Variants in IL9 observed in about 807,000 individuals in gnomAD.
The protein encoded by IL9 is interleukin 9.
A neutral mutation model predicts 12.9 loss-of-function variants in IL9; 16 were observed. The ratio of observed to expected loss-of-function variants is 1.24; its 90% confidence interval spans 0.84 to 1.88. The LOEUF (loss-of-function observed/expected upper bound fraction) is 1.88. Among genes scored for constraint, IL9 ranks in the 40% most tolerant of loss-of-function variants. IL9 has a pLI of 0.00. For missense variants in IL9, 170 were observed against 173.1 expected (o/e 0.98, Z 0.10); for synonymous variants, 69 against 63.8 (o/e 1.08, Z -0.39).
At chr5:135,892,601 G>A in intron 4 of IL9, 91 bp from the exon 5 acceptor site, 1 of 1,431,686 alleles carries the variant, frequency 7.0e-7, no homozygotes, top group South Asian at 1.4e-5. Context: ...GCCAGAGTCG[G>A]TGGTGAGGAT....
rs1333358852 is a variant in IL9, at chr5:135,895,800, AC to A, written c.16del (p.Val6SerfsTer46). On this transcript the variant is annotated frameshift_variant, in exon 1 of 5. Coordinates refer to ENST00000274520, the MANE Select transcript of IL9 (RefSeq NM_000590.2). LOFTEE classifies it high-confidence loss of function. ...GCACAGGAGCAGGGCAGAGGTAAGG[AC>A]CATGGCCAGAAGCATCTTGACAGCG... MLLAM[V>X]LTSALLLCSV... 6.2e-7 allele frequency: 1 copy of A among 1,613,500 alleles called. No individual in the cohort carries two copies. The highest frequency in any genetic ancestry group is 1.7e-5 in the Admixed American group (1 of 60,002).
At position 135,894,044 on chromosome 5, in the gene IL9, T is replaced by C. The variant is rs2126855295; in HGVS notation, c.291A>G (p.Glu97=). The change falls in exon 4 of 5, where the codon GAA becomes GAG. Residue 97 remains glutamate, a synonymous_variant. Coordinates refer to ENST00000274520, the MANE Select transcript of IL9 (RefSeq NM_000590.2). ...LIFSRVKKSV[E]VLKNNKCPYF... is the part of the protein sequence containing the mutation. ...CTGGACACTTGTTGTTCTTTAGTAC[T>C]TCAACTGATTTTTTCACCCGACTGA... is the stretch of plus-strand genomic sequence containing the variant. 1 of 1,613,178 alleles carries C rather than the reference T, an allele frequency of 6.2e-7. No homozygotes were observed. Among genetic ancestry groups the C allele is most frequent in the East Asian group, 2.2e-5 (1 of 44,850 alleles).
Position 135,895,775 on chromosome 5 carries a change from G to A in IL9, c.42C>T (p.Cys14=), listed in dbSNP as rs1327091420. The A allele has an allele frequency of 1.9e-5, 31 of 1,614,138 alleles. No homozygotes were observed. The highest frequency in any genetic ancestry group is 1.7e-4 in the Middle Eastern group (1 of 6,036). The change falls in exon 1 of 5, where the codon TGC becomes TGT. Residue 14 remains cysteine, a synonymous_variant. Coordinates refer to ENST00000274520, the MANE Select transcript of IL9 (RefSeq NM_000590.2). ...AMVLTSALLL[C]SVAGQGCPTL... ...TTGGACACCCCTGGCCTGCCACGGAGCACAGGAGCAGGGCAGAGGTAAGGA... is the reference window on the plus strand; with the variant it reads ...TTGGACACCCCTGGCCTGCCACGGAACACAGGAGCAGGGCAGAGGTAAGGA...
intron 3 of IL9, among the ~76,000 whole-genome samples, chr5:135,894,823 C>T (rs1322640758): frequency 1.3e-5 from 2 of 152,160 alleles, no homozygotes; most frequent in Non-Finnish European, 2.9e-5. Flanking sequence ...TCCTTCCTGC[C>T]GTAGTGGGCA....
intron 4 of IL9, among the ~76,000 whole-genome samples, 163 bp from the exon 5 acceptor site, chr5:135,892,673 A>T (rs1762886022): frequency 6.6e-6 from 1 of 151,448 alleles, no homozygotes; most frequent in African/African-American, 2.4e-5. Flanking sequence ...GGTCCAGGCT[A>T]GCTCATGTGG....
chr5:135,895,110 C>T (rs2126855786), intron 3 of IL9, among the ~76,000 whole-genome samples: 1 of 152,184 alleles, frequency 6.6e-6, no homozygotes, highest in African/African-American at 2.4e-5. Context: ...ATTATTATAT[C>T]CTTAGTTCCA....
chr5:135,892,778 A>ACAC (rs71221390), intron 4 of IL9, among the ~76,000 whole-genome samples: 1 of 134,482 alleles, frequency 7.4e-6, no homozygotes, highest in East Asian at 2.1e-4. Context: ...ACACACACAC[A>ACAC]CCCCTATTAA....
intron 4 of IL9, among the ~76,000 whole-genome samples, chr5:135,893,567 G>GC (rs1762903780): frequency 6.6e-6 from 1 of 152,036 alleles, no homozygotes; most frequent in Non-Finnish European, 1.5e-5. Flanking sequence ...AGCTCAGATG[G>GC]CACCACTGCA....
chr5:135,892,949 C>T (rs1488437930), intron 4 of IL9, among the ~76,000 whole-genome samples: 1 of 152,202 alleles, frequency 6.6e-6, no homozygotes, highest in Non-Finnish European at 1.5e-5. Context: ...CAAATCTCAG[C>T]TCTGCCACTT....
At chr5:135,895,085 A>T (rs937668468) in intron 3 of IL9, among the ~76,000 whole-genome samples, 1 of 152,246 alleles carries the variant, frequency 6.6e-6, no homozygotes, top group African/African-American at 2.4e-5. Context: ...AAGCAATATG[A>T]TATGAGCTAC....
intron 3 of IL9, 92 bp downstream of exon 3, chr5:135,895,348 T>C: frequency 9.9e-7 from 1 of 1,009,904 alleles, no homozygotes; most frequent in Non-Finnish European, 1.5e-6. Flanking sequence ...CAACAATGTA[T>C]AACATTAAAT....
In IL9 at chr5:135,894,064, G is replaced by T. The variant is rs142060431; in HGVS notation, c.271C>A (p.Arg91=). The change falls in exon 4 of 5, where the codon CGG becomes AGG. Residue 91 remains arginine, a synonymous_variant. Coordinates refer to ENST00000274520, the MANE Select transcript of IL9 (RefSeq NM_000590.2). ...MQTRYPLIFS[R]VKKSVEVLKN... ...AGTACTTCAACTGATTTTTTCACCC[G>T]ACTGAAAATCAGTGGGTATCTTGTT... 1.4e-4 allele frequency: 221 copies of T among 1,612,708 alleles called. 2 individuals carry two copies. The African/African-American group carries it at 1.9e-3, about 14-fold the overall frequency.
rs770041351 is a variant in IL9, at chr5:135,895,757, C to A, written c.60G>T (p.Gly20=). ...CCAGGATCCCCGCCAAGGTTGGACA[C>A]CCCTGGCCTGCCACGGAGCACAGGA... The part of the protein sequence containing the change: ...ALLLCSVAGQ[G]CPTLAGILDI... The change falls in exon 1 of 5, where the codon GGG becomes GGT. Residue 20 remains glycine (G), a synonymous_variant. Coordinates refer to ENST00000274520, the MANE Select transcript of IL9 (RefSeq NM_000590.2). 2.5e-6 allele frequency: 4 copies of A among 1,614,120 alleles called. No homozygotes were observed. Among genetic ancestry groups the A allele is most frequent in the Admixed American group, 3.3e-5 (2 of 60,032 alleles).
intron 4 of IL9, among the ~76,000 whole-genome samples, chr5:135,892,778 A>ACC (rs1554088988): frequency 3.9e-4 from 52 of 134,572 alleles, no homozygotes; most frequent in South Asian, 9.1e-4. Context: ...ACACACACAC[A>ACC]CCCCTATTAA....
intron 4 of IL9, among the ~76,000 whole-genome samples, chr5:135,892,773 CACACA>C (rs1561570702): frequency 1.6e-4 from 24 of 150,952 alleles, no homozygotes; most frequent in African/African-American, 4.9e-4. Flanking sequence ...CACACACACA[CACACA>C]CCCCTATTAA....
rs59978451 is a variant in IL9 at position 135,892,733 on chromosome 5, TACACACACACACAC to T, written c.316-237_316-224del. On this transcript the variant is annotated intron_variant, in intron 4 of 4. Transcript: ENST00000274520. ...CCTCAAATTGGATTTCAGGGGTCTT[TACACACACACACAC>T]ACACACACACACACACACACACACA... Among the ~76,000 whole-genome samples, 182 of 137,872 alleles carry T rather than the reference TACACACACACACAC, an allele frequency of 1.3e-3. 1 individual carries two copies. The highest frequency in any genetic ancestry group is 4.0e-3 in the African/African-American group (142 of 35,564). The allele number at this position is 137,872 out of a possible 152,430, so 90.4% of individuals were successfully genotyped here. A position where few individuals can be genotyped will look rare whatever the true frequency, so the allele number is the denominator to read the frequency against.
In IL9 at chr5:135,895,825, C is replaced by T. The variant is rs536770706; in HGVS notation, c.-9G>A. On this transcript the variant is annotated 5_prime_UTR_variant, in exon 1 of 5. Coordinates refer to ENST00000274520, the MANE Select transcript of IL9 (RefSeq NM_000590.2). The stretch of plus-strand genomic sequence containing the variant: ...ACCATGGCCAGAAGCATCTTGACAG[C>T]GGACTGGAGCTCGCTTGCAGACACC... 1.4e-4 allele frequency: 219 copies of T among 1,583,676 alleles called. No homozygotes were observed. Among genetic ancestry groups the T allele is most frequent in the South Asian group, 4.0e-4 (36 of 90,058 alleles).
At position 135,894,096 on chromosome 5, in the gene IL9, G is replaced by C; in HGVS notation, c.239C>G (p.Thr80Ser). 6.2e-7 allele frequency: 1 copy of C among 1,613,282 alleles called. No individual in the cohort carries two copies. The highest frequency in any genetic ancestry group is 1.1e-5 in the South Asian group (1 of 90,996). The change falls in exon 4 of 5, where the codon ACC (threonine) becomes AGC (serine). Residue 80 changes from threonine to serine, a missense_variant. Physicochemically the swap from Thr to Ser is moderately conservative, Grantham distance 58. Transcript: ENST00000274520. Reference sequence around the variant, plus strand: ...AATCAGTGGGTATCTTGTTTGCATGGTGGTATTGGTCATCTGAGACAGTCT... The same window carrying C: ...AATCAGTGGGTATCTTGTTTGCATGCTGGTATTGGTCATCTGAGACAGTCT... The part of the protein sequence containing the change: ...SERLSQMTNT[T>S]MQTRYPLIFS...
chr5:135,892,757 CA>C (rs1404169240), intron 4 of IL9, among the ~76,000 whole-genome samples: 106 of 151,722 alleles, frequency 7.0e-4, no homozygotes, highest in Non-Finnish European at 1.3e-3. Context: ...CACACACACA[CA>C]CACACACACA....
Sources: gnomAD v4.1 joint callset for allele counts (sites outside exome capture counted in the v4.1 genomes callset) on GRCh38, gnomAD v4.1.1 for gene constraint, MANE v1.5 for transcripts, NCBI Gene and HGNC (gene_info 2026-07-23, HGNC 2026-07-21) for gene names.